Variants in CDH13 observed in about 807,000 individuals in gnomAD.
The protein encoded by CDH13 is cadherin 13, also known as cadherin-13.
In CDH13, 24 loss-of-function variants were observed where a neutral mutation model predicts 63.8. That is an observed-to-expected ratio of 0.38 (90% CI 0.27 to 0.53). The LOEUF (loss-of-function observed/expected upper bound fraction) is 0.53. Among genes scored for constraint, CDH13 ranks in the 20% least tolerant of loss-of-function variants. The pLI is 0.85. For synonymous variants in CDH13, 503 were observed against 355.3 expected, an observed-to-expected ratio of 1.42 and a Z score of -4.67; for missense variants, 1,049 against 903.1, an observed-to-expected ratio of 1.16 and a Z score of -2.07.
chr16:83,515,601 C>G (rs1399311525), intron 7 of CDH13, among the ~76,000 whole-genome samples: 2 of 152,110 alleles, frequency 1.3e-5, no homozygotes, highest in Non-Finnish European at 2.9e-5. Flanking sequence ...GTCAAAGTTT[C>G]CAGTGTTAAA....
At chr16:83,510,201 A>G (rs1034977695) in intron 7 of CDH13, among the ~76,000 whole-genome samples, 9 of 152,218 alleles carry the variant, frequency 5.9e-5, no homozygotes, top group Non-Finnish European at 1.0e-4. Flanking sequence ...TTTCGAGTGG[A>G]TAAAGTGAAG....
intron 3 of CDH13, among the ~76,000 whole-genome samples, chr16:83,043,488 T>TGA (rs1420555347): frequency 1.0e-4 from 10 of 95,328 alleles, no homozygotes; most frequent in Admixed American, 3.5e-4. Context: ...ACTGTATATA[T>TGA]GAGTGTGTGT....
rs115315110 is a variant in CDH13, at chr16:83,343,389, A to T, written c.637-1473A>T. 1.3e-3 allele frequency among the ~76,000 whole-genome samples: 195 copies of T among 152,314 alleles called. 1 individual carries two copies. The highest frequency in any genetic ancestry group is 3.4e-3 in the Middle Eastern group (1 of 294). ...CCTTCAACTAGTTCCCTTCCACTGG[A>T]TGTTCAGGCAGATGCCAGTGTAATT... On this transcript the variant is annotated intron_variant, in intron 5 of 13. Coordinates refer to ENST00000567109, the MANE Select transcript of CDH13 (RefSeq NM_001257.5).
chr16:83,650,562 G>A (rs564511938), intron 8 of CDH13, among the ~76,000 whole-genome samples: 4 of 152,190 alleles, frequency 2.6e-5, no homozygotes, highest in East Asian at 3.9e-4. Flanking sequence ...TCCACACCCC[G>A]CTGGGACACC....
chr16:83,593,193 C>A (rs187999338), intron 7 of CDH13, among the ~76,000 whole-genome samples: 1 of 152,168 alleles, frequency 6.6e-6, no homozygotes, highest in East Asian at 1.9e-4. Context: ...CCCAGCTGAT[C>A]GGGACAAAGC....
intron 2 of CDH13, among the ~76,000 whole-genome samples, chr16:83,027,565 C>G (rs977311945): frequency 1.3e-5 from 2 of 152,084 alleles, no homozygotes; most frequent in African/African-American, 4.8e-5. Flanking sequence ...GATGGACAGC[C>G]TAGTCATGGA....
chr16:83,217,293 T>C (rs2039564431), intron 4 of CDH13, 52 bp from the exon 5 acceptor site: 1 of 1,594,016 alleles, frequency 6.3e-7, no homozygotes, highest in South Asian at 1.1e-5. Flanking sequence ...TGCAATGTGC[T>C]TTCTCTGTGT....
intron 1 of CDH13, chr16:82,719,243 C>G: frequency 8.4e-6 from 3 of 356,398 alleles, no homozygotes; most frequent in Non-Finnish European, 1.7e-5. Flanking sequence ...AACCTCACAT[C>G]ACTGCCATTG....
chr16:83,194,652 C>A (rs1199572548), intron 4 of CDH13, among the ~76,000 whole-genome samples: 2 of 152,140 alleles, frequency 1.3e-5, no homozygotes, highest in South Asian at 4.1e-4. Flanking sequence ...TTAACTAAAT[C>A]TTTTTTCTTT....
At chr16:83,125,556 C>T (rs778035376) in intron 4 of CDH13, 55 bp downstream of exon 4, 1 of 924,186 alleles carries the variant, frequency 1.1e-6, no homozygotes, top group Middle Eastern at 2.1e-4. Context: ...AAGATGAGCA[C>T]AGCAGACTGA....
intron 1 of CDH13, among the ~76,000 whole-genome samples, chr16:82,652,823 C>A (rs1389811124): frequency 6.7e-6 from 1 of 149,952 alleles, no homozygotes; most frequent in Non-Finnish European, 1.5e-5. Flanking sequence ...ATCCCAGAAT[C>A]TTTCTGTAAC....
intron 8 of CDH13, among the ~76,000 whole-genome samples, chr16:83,625,160 G>A (rs1447864022): frequency 1.3e-5 from 2 of 151,206 alleles, no homozygotes; most frequent in East Asian, 4.1e-4. Context: ...AACTCTGTGT[G>A]TGTGTGTGCT....
chr16:82,946,305 A>T (rs1345724762), intron 2 of CDH13, among the ~76,000 whole-genome samples: 1 of 152,158 alleles, frequency 6.6e-6, no homozygotes, highest in African/African-American at 2.4e-5. Context: ...AAAGAAGAAC[A>T]TCAGCAGCTT....
At chr16:83,437,705 C>T (rs1266505257) in intron 6 of CDH13, among the ~76,000 whole-genome samples, 3 of 151,998 alleles carry the variant, frequency 2.0e-5, no homozygotes, top group African/African-American at 7.3e-5. Flanking sequence ...AAAATAAAGG[C>T]TTCACATAAT....
At chr16:82,774,274 T>G (rs987582487) in intron 1 of CDH13, among the ~76,000 whole-genome samples, 2 of 151,990 alleles carry the variant, frequency 1.3e-5, no homozygotes, top group African/African-American at 4.8e-5. Context: ...TCATACTGCC[T>G]GGGTTGGAGA....
chr16:83,304,042 A>G (rs1325141533), intron 5 of CDH13, among the ~76,000 whole-genome samples: 3 of 152,162 alleles, frequency 2.0e-5, no homozygotes, highest in East Asian at 1.9e-4. Context: ...GTGCAATGGT[A>G]TTGAGCATAA....
chr16:83,301,689 C>T (rs79480758), intron 5 of CDH13, among the ~76,000 whole-genome samples: 2,221 of 152,134 alleles, frequency 0.015, 48 homozygotes, highest in African/African-American at 0.047. Context: ...CGTTAGTGTA[C>T]CTTATTATGG....
At chr16:83,550,771 C>G (rs533022046) in intron 7 of CDH13, among the ~76,000 whole-genome samples, 1 of 152,116 alleles carries the variant, frequency 6.6e-6, no homozygotes, top group Non-Finnish European at 1.5e-5. Flanking sequence ...TCTGTTAAAT[C>G]GAGGAAGCAG....
rs59455997 is a variant in CDH13 at position 83,358,509 on chromosome 16, T to A, written c.781+13503T>A. ...AGAATTATTTTACATAAGAGAATTA[T>A]GAACTTCTGTCTTATGTAACTCAGT... On this transcript the variant is annotated intron_variant, in intron 6 of 13. Transcript: ENST00000567109. Among the ~76,000 whole-genome samples, 1,456 of 152,316 alleles carry A rather than the reference T, an allele frequency of 9.6e-3. 23 individuals are homozygous for A. The highest frequency in any genetic ancestry group is 0.034 in the African/African-American group (1,407 of 41,558).
Sources: allele counts gnomAD v4.1 joint callset (sites outside exome capture counted in the v4.1 genomes callset), GRCh38; gene constraint gnomAD v4.1.1; transcripts MANE v1.5; gene names NCBI Gene and HGNC (gene_info 2026-07-23, HGNC 2026-07-21).